CTBP2: variants seen among roughly 807,000 people sequenced by gnomAD.
CTBP2 encodes the protein C-terminal-binding protein 2.
CTBP2 carries 30 observed loss-of-function variants against 80.3 expected under a neutral mutation model. The ratio of observed to expected loss-of-function variants is 0.37; its 90% CI spans 0.28 to 0.51. The LOEUF (loss-of-function observed/expected upper bound fraction) is 0.51, where lower values mean the gene tolerates loss of function less well. Among genes scored for constraint, CTBP2 ranks in the 20% least tolerant of loss-of-function variants. The probability of loss-of-function intolerance (pLI) is 0.93; values close to 1 mark genes in which losing one functional copy is unlikely to be tolerated. For missense variants in CTBP2, 1,212 were observed against 1,375.3 expected, an observed-to-expected ratio of 0.88 and a Z score of 1.88; for synonymous variants, 594 against 587.4, an observed-to-expected ratio of 1.01 and a Z score of -0.16.
Position 125,056,168 on chromosome 10 carries a change from AAT to A in CTBP2, c.-101-17015_-101-17014del, listed in dbSNP as rs775658636. On this transcript the variant is annotated intron_variant, in intron 2 of 10. Coordinates refer to the CTBP2 transcript ENST00000337195. The stretch of plus-strand genomic sequence containing the variant: ...CAATACAGCGAGATTGTGTCTCAAA[AAT>A]AAAAATAATAATAATAATAATAATA... Among the ~76,000 whole-genome samples, 248 of 123,308 alleles carry A rather than the reference AAT, an allele frequency of 2.0e-3. 1 individual carries two copies. The highest frequency in any genetic ancestry group is 0.011 in the African/African-American group (228 of 19,956). The allele number at this position is 123,308 out of a possible 152,430, so 80.9% of individuals were successfully genotyped here.
chr10:125,012,944 G>A (rs1033928822), intron 1 of CTBP2, among the ~76,000 whole-genome samples: 2 of 152,196 alleles, frequency 1.3e-5, no homozygotes, highest in African/African-American at 4.8e-5. Flanking sequence ...TCACCCTGGT[G>A]AACTCAGTCG....
chr10:125,064,360 C>A (rs73377227), intron 2 of CTBP2, among the ~76,000 whole-genome samples: 2,249 of 152,250 alleles, frequency 0.015, 57 homozygotes, highest in African/African-American at 0.052. Flanking sequence ...ATTACGGGAA[C>A]AGGCAAGTAC....
At chr10:125,153,455 CA>C (rs1429282402) in intron 1 of CTBP2, among the ~76,000 whole-genome samples, 1 of 152,228 alleles carries the variant, frequency 6.6e-6, no homozygotes, top group Non-Finnish European at 1.5e-5. Context: ...CATCCATCAG[CA>C]AAATAATAAA....
chr10:125,060,879 G>A (rs1258141638), intron 2 of CTBP2, among the ~76,000 whole-genome samples: 2 of 152,208 alleles, frequency 1.3e-5, no homozygotes, highest in Non-Finnish European at 2.9e-5. Flanking sequence ...ACCCGCGGGG[G>A]CTGGTGTGCT....
rs537120681 is a variant in CTBP2 at position 125,067,898 on chromosome 10, C to T, written c.-101-28743G>A. On this transcript the variant is annotated intron_variant, in intron 2 of 10. Coordinates refer to the CTBP2 transcript ENST00000337195. ...GTGCAGTGTCTGCCCAAGAAGCCAC[C>T]GGGCTGCAGACCCAGGGCGGGTCCG... 4.6e-5 allele frequency among the ~76,000 whole-genome samples: 7 copies of T among 152,322 alleles called. No individual in the cohort carries two copies. In the South Asian group the frequency reaches 1.2e-3, roughly 27 times the overall value.
At chr10:125,008,731 T>C (rs563101284) in intron 1 of CTBP2, among the ~76,000 whole-genome samples, 1 of 152,360 alleles carries the variant, frequency 6.6e-6, no homozygotes, top group East Asian at 1.9e-4. Context: ...TAGGAATAAA[T>C]ACTAACTTCT....
At chr10:125,015,376 T>C (rs1444247006) in intron 1 of CTBP2, among the ~76,000 whole-genome samples, 1 of 152,202 alleles carries the variant, frequency 6.6e-6, no homozygotes, top group Non-Finnish European at 1.5e-5. Context: ...GGTTTTCATA[T>C]CAATGCAAAA....
intron 2 of CTBP2, among the ~76,000 whole-genome samples, chr10:125,044,224 C>G (rs893746353): frequency 6.6e-6 from 1 of 152,216 alleles, no homozygotes. Flanking sequence ...TCAGTGCACC[C>G]ACAGGCTCAT....
At chr10:125,059,266 C>T (rs897956828) in intron 2 of CTBP2, among the ~76,000 whole-genome samples, 2 of 152,102 alleles carry the variant, frequency 1.3e-5, no homozygotes, top group Non-Finnish European at 2.9e-5. Context: ...AGGGGTAAGA[C>T]ATACGCAATT....
intron 2 of CTBP2, among the ~76,000 whole-genome samples, chr10:125,041,509 C>CG (rs1959777680): frequency 2.0e-5 from 1 of 49,160 alleles, no homozygotes; most frequent in Non-Finnish European, 4.3e-5. Context: ...TCCCCACCCC[C>CG]CCCCCCCCCA....
intron 1 of CTBP2, chr10:125,006,152 G>A: frequency 2.3e-6 from 1 of 441,466 alleles, no homozygotes; most frequent in African/African-American, 2.1e-5. Flanking sequence ...CTCCCTGATG[G>A]CCGGGCACGC....
At position 125,086,666 on chromosome 10, in the gene CTBP2, CG is replaced by C. The variant is rs1289193094; in HGVS notation, c.-102+24323del. Among the ~76,000 whole-genome samples, 13 of 148,944 alleles carry C rather than the reference CG, an allele frequency of 8.7e-5. No individual in the cohort carries two copies. In the South Asian group the frequency reaches 2.6e-3, roughly 30 times the overall value. On this transcript the variant is annotated intron_variant, in intron 2 of 10. Coordinates refer to the CTBP2 transcript ENST00000337195. ...GATCTCATTTGACCCTTCCACATAG[CG>C]AGAGAGTACCGTCTCTGAACCAGAA...
In CTBP2 at chr10:125,073,116, C is replaced by T. The variant is rs1410821896; in HGVS notation, c.-101-33961G>A. Among the ~76,000 whole-genome samples the T allele has an allele frequency of 2.0e-5, 3 of 152,262 alleles. No homozygotes were observed. In the South Asian group the frequency reaches 6.2e-4, roughly 31 times the overall value. ...TCAGATGTGGCCCTGCCCAATAAAT[C>T]AGTGTCTGCAATGGCAAGGGCCACT... On this transcript the variant is annotated intron_variant, in intron 2 of 10. Coordinates refer to the CTBP2 transcript ENST00000337195.
intron 1 of CTBP2, among the ~76,000 whole-genome samples, chr10:125,140,129 A>G (rs1016264811): frequency 8.5e-5 from 13 of 152,064 alleles, no homozygotes; most frequent in Admixed American, 7.9e-4. Context: ...TAAGCTATGT[A>G]TGTCTTTGGA....
chr10:125,063,768 C>T (rs918347996), intron 2 of CTBP2, among the ~76,000 whole-genome samples: 1 of 152,242 alleles, frequency 6.6e-6, no homozygotes, highest in African/African-American at 2.4e-5. Flanking sequence ...GTAGGACAAA[C>T]TTCCAAAGTA....
chr10:124,994,182 A>G (rs1429923490), intron 5 of CTBP2, among the ~76,000 whole-genome samples, 197 bp from the exon 8 acceptor site: 1 of 152,252 alleles, frequency 6.6e-6, no homozygotes, highest in African/African-American at 2.4e-5. Context: ...CCTGAGAGGA[A>G]GCAACACGGT....
At position 125,009,078 on chromosome 10, in the gene CTBP2, C is replaced by T. The variant is rs765900379; in HGVS notation, c.1679-5586G>A. Among the ~76,000 whole-genome samples, 8 of 152,302 alleles carry T rather than the reference C, an allele frequency of 5.3e-5. No homozygotes were observed. In the East Asian group the frequency reaches 7.7e-4, roughly 15 times the overall value. ...TCCAGCCAACGGAAACTGGACACAG[C>T]GGTAGGGTGGACGTGTCAGGTTATA... On this transcript the variant is annotated intron_variant, in intron 1 of 8. Transcript: ENST00000309035.
intron 3 of CTBP2, among the ~76,000 whole-genome samples, chr10:125,035,802 A>G (rs1958795857): frequency 6.6e-6 from 1 of 152,230 alleles, no homozygotes; most frequent in African/African-American, 2.4e-5. Flanking sequence ...TGCAGTTCAC[A>G]ATGTCAATTA....
At chr10:125,007,292 G>A (rs1293111121) in intron 1 of CTBP2, among the ~76,000 whole-genome samples, 1 of 152,252 alleles carries the variant, frequency 6.6e-6, no homozygotes, top group Admixed American at 6.5e-5. Flanking sequence ...GCACCAGGAC[G>A]GCCCTGCCCC....
Sources: allele counts gnomAD v4.1 joint callset (sites outside exome capture counted in the v4.1 genomes callset), GRCh38; gene constraint gnomAD v4.1.1; transcripts MANE v1.5; gene names NCBI Gene and HGNC (gene_info 2026-07-23, HGNC 2026-07-21).